Variants in AXL observed in about 807,000 individuals in gnomAD.
AXL encodes the protein tyrosine-protein kinase receptor UFO.
In AXL, 52 loss-of-function variants were observed where a neutral mutation model predicts 104.5. The ratio of observed to expected loss-of-function variants is 0.50; its 90% confidence interval spans 0.40 to 0.63. The LOEUF (loss-of-function observed/expected upper bound fraction) is 0.63. Among genes scored for constraint, AXL ranks in the 20% least tolerant of loss-of-function variants. The probability of loss-of-function intolerance (pLI) is 0.00; values close to 1 mark genes in which losing one functional copy is unlikely to be tolerated. For missense variants in AXL, 1,024 were observed against 1,188.5 expected, an observed-to-expected ratio of 0.86 and a Z score of 2.04; for synonymous variants, 455 against 473.7, an observed-to-expected ratio of 0.96 and a Z score of 0.51.
chr19:41,232,937 C>T (rs1364807703), intron 6 of AXL, among the ~76,000 whole-genome samples: 1 of 152,098 alleles, frequency 6.6e-6, no homozygotes, highest in East Asian at 1.9e-4. Flanking sequence ...TGTCCAAGGT[C>T]ACATCAAACC....
chr19:41,243,440 A>AG (rs2034217301), intron 11 of AXL, among the ~76,000 whole-genome samples, 176 bp from the exon 12 acceptor site: 1 of 152,146 alleles, frequency 6.6e-6, no homozygotes, highest in African/African-American at 2.4e-5. Context: ...AATGAGGGCA[A>AG]GGGGGTGTGT....
chr19:41,239,367 CCTGA>C, intron 9 of AXL, 53 bp downstream of exon 9: 1 of 1,534,202 alleles, frequency 6.5e-7, no homozygotes, highest in Non-Finnish European at 8.7e-7. Context: ...CCCTGACAGC[CCTGA>C]CTTACTCCTT....
chr19:41,220,804 A>T lies in AXL; in HGVS notation c.254A>T (p.Gln85Leu). 1 of 1,614,112 alleles carries T rather than the reference A, an allele frequency of 6.2e-7. No individual in the cohort carries two copies. Among genetic ancestry groups the T allele is most frequent in the Non-Finnish European group, 8.5e-7 (1 of 1,179,996 alleles). Residue 85 changes from glutamine (Q) to leucine (L), a missense_variant, in exon 2 of 20, where the codon CAG becomes CTG. By Grantham distance (113) the Gln-to-Leu change is moderately radical (BLOSUM62 -2). Around this residue, in one of 5 missense-constraint regions of AXL, gnomAD observed 41 missense variants for 76.2 expected, o/e 0.54. Coordinates refer to ENST00000301178, the MANE Select transcript of AXL (RefSeq NM_021913.5). ...ILELADSTQT[Q>L]VPLGEDEQDD... ...GAGCTCGCGGACAGCACCCAGACCC[A>T]GGTGCCCCTGGGTGAGGATGAACAG...
rs549829614 is a variant in AXL, at chr19:41,248,912, T to G, written c.1711+92T>G. The G allele has an allele frequency of 1.0e-5, 14 of 1,354,664 alleles. No homozygotes were observed. In the African/African-American group the frequency reaches 1.8e-4, roughly 17 times the overall value. 83.9% of individuals were successfully genotyped at this position (1,354,664 alleles called of 1,614,324 possible). On this transcript the variant is annotated intron_variant, in intron 14 of 19. Coordinates refer to ENST00000301178, the MANE Select transcript of AXL (RefSeq NM_021913.5). ...AGCAAGTTAGCCATAGCTTAGAACT[T>G]CTGGTGTTTCCAGATAGGCAATGGA...
chr19:41,246,646 C>T (rs192625326), intron 12 of AXL, among the ~76,000 whole-genome samples: 3 of 152,086 alleles, frequency 2.0e-5, no homozygotes, highest in Admixed American at 1.3e-4. Context: ...ACCTGGGAGG[C>T]GGAAGTTGCA....
Position 41,242,931 on chromosome 19 carries a change from T to C in AXL, c.1361T>C (p.Leu454Pro). The stretch of plus-strand genomic sequence containing the variant: ...TTCTCGTGGCCCTGGTGGTATGTAC[T>C]GCTAGGAGCAGTCGTGGCCGCTGCC... ...PAFSWPWWYV[L>P]LGAVVAAACV... is the part of the protein sequence containing the mutation. Residue 454 changes from leucine to proline, a missense_variant, in exon 11 of 20, where the codon CTG becomes CCG. Leu to Pro is a moderately conservative substitution (Grantham distance 98). Around this residue, in one of 5 missense-constraint regions of AXL, gnomAD observed 523 missense variants for 636.0 expected, o/e 0.82. Coordinates refer to ENST00000301178, the MANE Select transcript of AXL (RefSeq NM_021913.5). 6.2e-7 allele frequency: 1 copy of C among 1,614,236 alleles called. No individual in the cohort carries two copies. The highest frequency in any genetic ancestry group is 8.5e-7 in the Non-Finnish European group (1 of 1,180,040).
chr19:41,235,949 C>A (rs901991968), intron 6 of AXL, among the ~76,000 whole-genome samples: 2 of 151,948 alleles, frequency 1.3e-5, no homozygotes, highest in Non-Finnish European at 2.9e-5. Flanking sequence ...GTAATCCCAG[C>A]ACTTTGGGAG....
intron 6 of AXL, among the ~76,000 whole-genome samples, chr19:41,236,824 C>T (rs2034088841): frequency 6.6e-6 from 1 of 151,164 alleles, no homozygotes. Flanking sequence ...AGATGTATAA[C>T]ATGCATAATC....
chr19:41,240,933 C>G (rs940010724), intron 10 of AXL, among the ~76,000 whole-genome samples: 3 of 152,114 alleles, frequency 2.0e-5, no homozygotes, highest in South Asian at 2.1e-4. Flanking sequence ...CACACTCACC[C>G]TGAACCCCTT....
intron 4 of AXL, chr19:41,226,866 G>T: frequency 1.1e-6 from 1 of 914,012 alleles, no homozygotes; most frequent in Non-Finnish European, 1.3e-6. Context: ...GGCCGAGGCG[G>T]GAGGATCGCT....
At chr19:41,233,374 C>T (rs566880363) in intron 6 of AXL, among the ~76,000 whole-genome samples, 79 of 148,868 alleles carry the variant, frequency 5.3e-4, no homozygotes, top group East Asian at 1.1e-3. Flanking sequence ...ATCTGCTTGT[C>T]GTTTTAAACC....
chr19:41,223,808 G>C (rs34326763), intron 4 of AXL, among the ~76,000 whole-genome samples: 9,495 of 152,064 alleles, frequency 0.062, 437 homozygotes, highest in Middle Eastern at 0.15. Context: ...GAGAGAAATG[G>C]GGGCTGCACA....
intron 14 of AXL, among the ~76,000 whole-genome samples, chr19:41,251,250 C>G (rs1351965281): frequency 6.6e-6 from 1 of 152,014 alleles, no homozygotes; most frequent in Non-Finnish European, 1.5e-5. Flanking sequence ...CCAGCCTGGA[C>G]AACATAGCAA....
chr19:41,224,928 A>G lies in AXL; in HGVS notation c.586+2872A>G, dbSNP rs548242204. On this transcript the variant is annotated intron_variant, in intron 4 of 19. Coordinates refer to ENST00000301178, the MANE Select transcript of AXL (RefSeq NM_021913.5). Reference sequence around the variant, plus strand: ...TATAGATGTGTCTCTGTGTCAATCTATGTGTCCATGGCAGTGTCTCCATCC... The same window carrying G: ...TATAGATGTGTCTCTGTGTCAATCTGTGTGTCCATGGCAGTGTCTCCATCC... Among the ~76,000 whole-genome samples the G allele has an allele frequency of 5.3e-5, 8 of 152,100 alleles. No individual in the cohort carries two copies. In the South Asian group the frequency reaches 1.5e-3, roughly 28 times the overall value.
chr19:41,219,896 C>T (rs1053332808), intron 1 of AXL, among the ~76,000 whole-genome samples: 1 of 151,766 alleles, frequency 6.6e-6, no homozygotes, highest in Admixed American at 6.6e-5. Context: ...CTTCTCCCTG[C>T]CAACACCACC....
Position 41,239,217 on chromosome 19 carries a change from C to T in AXL, c.1188C>T (p.Asp396=), listed in dbSNP as rs201734105. 1.3e-4 allele frequency: 209 copies of T among 1,613,098 alleles called. No individual in the cohort carries two copies. The highest frequency in any genetic ancestry group is 1.5e-4 in the Non-Finnish European group (179 of 1,179,466). The change falls in exon 9 of 20, where the codon GAC becomes GAT. Residue 396 remains aspartate, a synonymous_variant. Transcript: ENST00000301178. Reference sequence around the variant, plus strand: ...AGGTGACCCTGGAGCTGCAGGGGGACGGGTCTGTGTCCAATCTGACAGTGT... The same window carrying T: ...AGGTGACCCTGGAGCTGCAGGGGGATGGGTCTGTGTCCAATCTGACAGTGT... ...RQEVTLELQG[D]GSVSNLTVCV...
At chr19:41,219,719 A>T (rs2033750982) in intron 1 of AXL, among the ~76,000 whole-genome samples, 1 of 147,926 alleles carries the variant, frequency 6.8e-6, no homozygotes, top group Non-Finnish European at 1.5e-5. Context: ...ACCCGGAGAG[A>T]CAGACAGACA....
intron 4 of AXL, among the ~76,000 whole-genome samples, chr19:41,223,286 C>T (rs554787600): frequency 6.6e-6 from 1 of 152,250 alleles, no homozygotes; most frequent in East Asian, 1.9e-4. Context: ...CAGAGCAAGA[C>T]TCTGTCTCAA....
intron 6 of AXL, among the ~76,000 whole-genome samples, chr19:41,232,303 C>T (rs1452570668): frequency 6.6e-6 from 1 of 152,178 alleles, no homozygotes; most frequent in Non-Finnish European, 1.5e-5. Context: ...CCAGCCTCTG[C>T]CCTCAAGTTG....
Sources: allele counts gnomAD v4.1 joint callset (sites outside exome capture counted in the v4.1 genomes callset), GRCh38; gene constraint gnomAD v4.1.1; regional missense constraint gnomAD v4.1.1; transcripts MANE v1.5; gene names NCBI Gene and HGNC (gene_info 2026-07-23, HGNC 2026-07-21).